Variants in ROBO2 observed in about 807,000 individuals in gnomAD.
ROBO2 encodes roundabout homolog 2.
ROBO2 carries 53 observed loss-of-function variants against 160.8 expected under a neutral mutation model. The observed-to-expected ratio is 0.33, with a 90% CI of 0.26 to 0.41. ROBO2 has a LOEUF of 0.41. Ranked by LOEUF, ROBO2 falls within the 10% of genes least tolerant of loss-of-function variation. The pLI is 1.00. For synonymous variants in ROBO2, 664 were observed against 611.7 expected (o/e 1.09, Z -1.26); for missense variants, 1,577 against 1,722.4 (o/e 0.92, Z 1.49).
intron 23 of ROBO2, among the ~76,000 whole-genome samples, chr3:77,628,572 T>C (rs142367579): frequency 6.6e-6 from 1 of 152,218 alleles, no homozygotes; most frequent in East Asian, 1.9e-4. Context: ...ATTTTAGCCA[T>C]TTTACAGAAG....
intron 2 of ROBO2, among the ~76,000 whole-genome samples, chr3:76,863,294 C>G (rs35542261): frequency 5.3e-5 from 8 of 151,918 alleles, no homozygotes; most frequent in African/African-American, 1.9e-4. Flanking sequence ...ACATGTCCTT[C>G]ATAATTCAGA....
intron 2 of ROBO2, among the ~76,000 whole-genome samples, chr3:77,170,792 A>G (rs1043095283): frequency 2.0e-5 from 3 of 152,160 alleles, no homozygotes; most frequent in Non-Finnish European, 4.4e-5. Context: ...TTAAAAATAA[A>G]ATAATCGACC....
chr3:76,285,399 G>A (rs1199379168), intron 2 of ROBO2, among the ~76,000 whole-genome samples: 1 of 151,990 alleles, frequency 6.6e-6, no homozygotes, highest in African/African-American at 2.4e-5. Context: ...TTTTATGTAT[G>A]TCTAGGAATA....
chr3:76,933,222 A>G (rs1300026774), intron 2 of ROBO2, among the ~76,000 whole-genome samples: 1 of 152,216 alleles, frequency 6.6e-6, no homozygotes, highest in African/African-American at 2.4e-5. Flanking sequence ...ATGTTAATCT[A>G]AATGGAGAAT....
chr3:76,118,949 A>G (rs545915190), intron 2 of ROBO2, among the ~76,000 whole-genome samples: 12 of 152,270 alleles, frequency 7.9e-5, no homozygotes, highest in Admixed American at 3.3e-4. Context: ...GGAAAACTTT[A>G]TGTTAGCAAT....
chr3:77,531,814 T>G (rs2153635333), intron 6 of ROBO2, among the ~76,000 whole-genome samples: 1 of 152,188 alleles, frequency 6.6e-6, no homozygotes, highest in East Asian at 1.9e-4. Context: ...ACCTAGAATT[T>G]TGTTTCTTGC....
intron 2 of ROBO2, among the ~76,000 whole-genome samples, chr3:76,254,995 A>G (rs1010216408): frequency 2.0e-5 from 3 of 152,218 alleles, no homozygotes; most frequent in South Asian, 2.1e-4. Flanking sequence ...TTGATGAACT[A>G]TTGAAGCAAG....
intron 2 of ROBO2, among the ~76,000 whole-genome samples, chr3:76,290,159 C>T (rs2132296): frequency 0.15 from 23,514 of 151,974 alleles, 2,637 homozygotes; most frequent in African/African-American, 0.31. Context: ...GAAATGATTT[C>T]TTTCAGCAGT....
chr3:77,539,117 A>G (rs2092332604), intron 6 of ROBO2, among the ~76,000 whole-genome samples: 1 of 152,050 alleles, frequency 6.6e-6, no homozygotes, highest in Non-Finnish European at 1.5e-5. Context: ...ACGAGGTTTC[A>G]CCATGTTGCC....
intron 2 of ROBO2, among the ~76,000 whole-genome samples, chr3:76,246,372 A>G (rs1192620687): frequency 6.6e-6 from 1 of 152,138 alleles, no homozygotes; most frequent in Admixed American, 6.5e-5. Flanking sequence ...CTACAGCTCA[A>G]AAGTTAACTG....
intron 2 of ROBO2, among the ~76,000 whole-genome samples, chr3:76,363,352 TG>T (rs1203217195): frequency 6.6e-6 from 1 of 152,066 alleles, no homozygotes; most frequent in African/African-American, 2.4e-5. Flanking sequence ...AATTAATGAA[TG>T]AATTGGCCTC....
At chr3:77,088,864 G>A (rs1251830882) in intron 1 of ROBO2, among the ~76,000 whole-genome samples, 2 of 152,030 alleles carry the variant, frequency 1.3e-5, no homozygotes, top group Non-Finnish European at 2.9e-5. Context: ...TCTAAAGTGT[G>A]TATTTTTTAA....
chr3:77,644,490 T>C (rs963127464), intron 24 of ROBO2, among the ~76,000 whole-genome samples: 2 of 152,206 alleles, frequency 1.3e-5, no homozygotes, highest in African/African-American at 2.4e-5. Context: ...AAGATCTCTT[T>C]TAATTTAATT....
chr3:76,687,191 C>G (rs1214818360), intron 2 of ROBO2, among the ~76,000 whole-genome samples: 1 of 152,076 alleles, frequency 6.6e-6, no homozygotes, highest in Non-Finnish European at 1.5e-5. Flanking sequence ...TATTATTGAT[C>G]ATAGCACAGA....
chr3:77,141,865 G>A (rs182000815), intron 2 of ROBO2, among the ~76,000 whole-genome samples: 1 of 152,248 alleles, frequency 6.6e-6, no homozygotes, highest in East Asian at 1.9e-4. Flanking sequence ...TGTATGAATT[G>A]CACTAATACT....
intron 19 of ROBO2, among the ~76,000 whole-genome samples, chr3:77,601,660 T>C (rs749245950): frequency 1.3e-5 from 2 of 152,152 alleles, no homozygotes; most frequent in African/African-American, 2.4e-5. Flanking sequence ...TCCTTTGTTA[T>C]ACAAGAAAAA....
At position 75,924,039 on chromosome 3, in the gene ROBO2, G is replaced by GT. The variant is rs1032749137; in HGVS notation, c.-13-13434dup. Among the ~76,000 whole-genome samples, 795 of 152,080 alleles carry GT rather than the reference G, an allele frequency of 5.2e-3. 9 individuals carry two copies. Among genetic ancestry groups the GT allele is most frequent in the Middle Eastern group, 0.048 (14 of 294 alleles). ...ACTAGGACCAAAGCTTTTAAAAATA[G>GT]TTTTTTTTAGATAAATCATTATAAT... On this transcript the variant is annotated intron_variant, in intron 1 of 26. Transcript: ENST00000487694.
At chr3:76,953,052 T>C (rs555024072) in intron 2 of ROBO2, among the ~76,000 whole-genome samples, 1 of 152,310 alleles carries the variant, frequency 6.6e-6, no homozygotes, top group Non-Finnish European at 1.5e-5. Flanking sequence ...TTTTAACAAT[T>C]TCTAGATAGA....
chr3:77,192,270 A>C (rs1403201601), intron 2 of ROBO2, among the ~76,000 whole-genome samples: 1 of 152,130 alleles, frequency 6.6e-6, no homozygotes, highest in African/African-American at 2.4e-5. Context: ...GCTGAACATG[A>C]TTCTTTATTT....
Sources: gnomAD v4.1 joint callset for allele counts (sites outside exome capture counted in the v4.1 genomes callset) on GRCh38, gnomAD v4.1.1 for gene constraint, MANE v1.5 for transcripts, NCBI Gene and HGNC (gene_info 2026-07-23, HGNC 2026-07-21) for gene names.